TRAF2: variants seen among roughly 807,000 people sequenced by gnomAD.
TRAF2 encodes the protein TNF receptor-associated factor 2.
In TRAF2, 6 loss-of-function variants were observed where a neutral mutation model predicts 55.6. The observed-to-expected ratio is 0.11, with a 90% CI of 0.06 to 0.21. The LOEUF (loss-of-function observed/expected upper bound fraction) is 0.21, where lower values mean the gene tolerates loss of function less well. TRAF2 is among the 10% of genes least tolerant of loss of function. The pLI is 1.00. For missense variants in TRAF2, 561 were observed against 684.5 expected (o/e 0.82, Z 2.01); for synonymous variants, 329 against 276.3 (o/e 1.19, Z -1.89).
intron 6 of TRAF2, among the ~76,000 whole-genome samples, chr9:136,916,005 G>A (rs770747348): frequency 6.6e-6 from 1 of 152,090 alleles, no homozygotes; most frequent in Non-Finnish European, 1.5e-5. Context: ...GTTTTTCCTC[G>A]GGCTGTTCCT....
chr9:136,921,418 CGGGGTAGGGGGGTT>C (rs763670362), intron 9 of TRAF2, among the ~76,000 whole-genome samples: 40 of 152,106 alleles, frequency 2.6e-4, no homozygotes, highest in Middle Eastern at 6.8e-3. Context: ...GGGCAGGGGT[CGGGGTAGGGGGGTT>C]GGGCCGGCTG....
In TRAF2 at chr9:136,926,391, C is replaced by T. The variant is rs1225723046; in HGVS notation, c.*490C>T. The T allele has an allele frequency of 7.3e-6, 2 of 274,602 alleles. No homozygotes were observed. The highest frequency in any genetic ancestry group is 2.7e-5 in the South Asian group (1 of 37,226). 17.0% of individuals were successfully genotyped at this position (274,602 alleles called of 1,614,324 possible). A position where few individuals can be genotyped will look rare whatever the true frequency, so the allele number is the denominator to read the frequency against. On this transcript the variant is annotated 3_prime_UTR_variant, in exon 11 of 11. Transcript: ENST00000247668. The stretch of plus-strand genomic sequence containing the variant: ...AGCAGCTTGGTTCTCCCCTCTGGCC[C>T]CTGGAGAGAAGGGAGCATTCCTAGA...
At chr9:136,911,264 C>CTTTTTTTTTTTTTGTTTT (rs1850098495) in intron 6 of TRAF2, among the ~76,000 whole-genome samples, 1 of 122,566 alleles carries the variant, frequency 8.2e-6, no homozygotes, top group African/African-American at 3.2e-5. Context: ...TCCTTCCCGT[C>CTTTTTTTTTTTTTGTTTT]TTTTTTTTTT....
chr9:136,924,799 G>A (rs1158774741), intron 10 of TRAF2, among the ~76,000 whole-genome samples: 2 of 151,956 alleles, frequency 1.3e-5, no homozygotes, highest in Non-Finnish European at 1.5e-5. Context: ...GAGTGCAGTG[G>A]CATGATCTCG....
intron 6 of TRAF2, among the ~76,000 whole-genome samples, chr9:136,912,947 A>G (rs775385797): frequency 1.3e-5 from 2 of 152,180 alleles, no homozygotes; most frequent in African/African-American, 2.4e-5. Context: ...AGCCTGTCCA[A>G]CATGGCAAAA....
chr9:136,921,743 C>T (rs17244460), intron 9 of TRAF2, among the ~76,000 whole-genome samples: 2 of 151,340 alleles, frequency 1.3e-5, no homozygotes, highest in South Asian at 2.1e-4. Context: ...AGAGGGTGCT[C>T]GTGGGGTCTC....
Position 136,900,440 on chromosome 9 carries a change from G to A in TRAF2, c.286G>A (p.Ala96Thr). 6.2e-7 allele frequency: 1 copy of A among 1,606,064 alleles called. No homozygotes were observed. The highest frequency in any genetic ancestry group is 8.5e-7 in the Non-Finnish European group (1 of 1,175,066). The change falls in exon 4 of 11, where the codon GCC becomes ACC. Residue 96 changes from alanine to threonine, a missense_variant. Around this residue, in one of 2 missense-constraint regions of TRAF2, gnomAD observed 426 missense variants for 476.8 expected, o/e 0.89. Coordinates refer to ENST00000247668, the MANE Select transcript of TRAF2 (RefSeq NM_021138.4). ...TCCCCAGGCCTTCCCAGATAATGCT[G>A]CCCGCAGGGAGGTGGAGAGCCTGCC... is the stretch of plus-strand genomic sequence containing the variant. ...ESSSAFPDNA[A>T]RREVESLPAV... is the part of the protein sequence containing the mutation.
At chr9:136,907,025 G>C (rs761021363) in intron 4 of TRAF2, among the ~76,000 whole-genome samples, 3 of 152,248 alleles carry the variant, frequency 2.0e-5, no homozygotes, top group African/African-American at 7.2e-5. Flanking sequence ...CCCTCAAGAC[G>C]GTCGGGGAAG....
intron 2 of TRAF2, among the ~76,000 whole-genome samples, chr9:136,899,245 A>G (rs1194270412): frequency 6.6e-6 from 1 of 152,196 alleles, no homozygotes; most frequent in Non-Finnish European, 1.5e-5. Flanking sequence ...TGGCTGCTCT[A>G]GGCAGCTAAG....
chr9:136,882,690 C>G, upstream of TRAF2: 1 of 985,198 alleles, frequency 1.0e-6, no homozygotes. Flanking sequence ...TGGGAATCCC[C>G]TGAGCTGCGC....
Position 136,925,262 on chromosome 9 carries a change from G to C in TRAF2, c.1288-421G>C, listed in dbSNP as rs371159151. 5.9e-5 allele frequency among the ~76,000 whole-genome samples: 9 copies of C among 152,330 alleles called. No homozygotes were observed. In the East Asian group the frequency reaches 1.5e-3, roughly 26 times the overall value. ...CATCCAGGTTCACAGTCCTGACAGA[G>C]GCAGACTCAGGTTCTCCCTGAAAAG... On this transcript the variant is annotated intron_variant, in intron 10 of 10. Coordinates refer to ENST00000247668, the MANE Select transcript of TRAF2 (RefSeq NM_021138.4).
intron 2 of TRAF2, 118 bp downstream of exon 2, chr9:136,899,046 A>T (rs1588424644): frequency 1.3e-5 from 13 of 972,556 alleles, no homozygotes; most frequent in African/African-American, 8.2e-5. Context: ...TGCTCCAGTT[A>T]TCGATACTCC....
intron 1 of TRAF2, among the ~76,000 whole-genome samples, chr9:136,895,912 C>T (rs1243116853): frequency 6.6e-6 from 1 of 151,952 alleles, no homozygotes; most frequent in Non-Finnish European, 1.5e-5. Context: ...AATAAATTGC[C>T]ACCCCAGGTT....
At position 136,908,067 on chromosome 9, in the gene TRAF2, T is replaced by A. The variant is rs763229255; in HGVS notation, c.367-3T>A. On this transcript the variant is annotated splice_polypyrimidine_tract_variant and splice_region_variant and intron_variant, in intron 4 of 10. Coordinates refer to ENST00000247668, the MANE Select transcript of TRAF2 (RefSeq NM_021138.4). ...TACTGACGCTTCCTCCTTTCGTTGC[T>A]AGAGCTGCCACGAAGGCCGCTGCCC... The A allele has an allele frequency of 5.0e-6, 8 of 1,599,340 alleles. No individual in the cohort carries two copies. The highest frequency in any genetic ancestry group is 1.3e-5 in the African/African-American group (1 of 74,632).
rs541679763 is a variant in TRAF2 at position 136,893,371 on chromosome 9, C to T, written c.-28-5342C>T. ...GATTCAGAAGCTGGGATTGAAAGCA[C>T]ACCACTGCTGGCTTTGGGGGGCAGA... On this transcript the variant is annotated intron_variant, in intron 1 of 10. Coordinates refer to ENST00000247668, the MANE Select transcript of TRAF2 (RefSeq NM_021138.4). Among the ~76,000 whole-genome samples, 6 of 152,358 alleles carry T rather than the reference C, an allele frequency of 3.9e-5. No individual in the cohort carries two copies. The East Asian group carries it at 9.6e-4, about 24-fold the overall frequency.
At chr9:136,923,292 G>A (rs957027336) in intron 9 of TRAF2, among the ~76,000 whole-genome samples, 4 of 152,096 alleles carry the variant, frequency 2.6e-5, no homozygotes, top group African/African-American at 7.2e-5. Flanking sequence ...CTTAAGTTTT[G>A]GGGGTTACAT....
chr9:136,924,129 C>T, intron 10 of TRAF2, 129 bp downstream of exon 10: 1 of 1,155,704 alleles, frequency 8.7e-7, no homozygotes, highest in Non-Finnish European at 1.2e-6. Flanking sequence ...CTGCAGCAGG[C>T]ACGTCACCCT....
At chr9:136,922,755 T>C (rs1225344468) in intron 9 of TRAF2, among the ~76,000 whole-genome samples, 1 of 46,450 alleles carries the variant, frequency 2.2e-5, no homozygotes, top group Non-Finnish European at 3.9e-5. Context: ...GGCCTGGGCA[T>C]GTGGTGGAGG....
chr9:136,918,510 G>A (rs1252564156), intron 7 of TRAF2, among the ~76,000 whole-genome samples: 2 of 151,652 alleles, frequency 1.3e-5, no homozygotes, highest in South Asian at 2.1e-4. Context: ...GGCTGGTCTC[G>A]AACTTCTGAC....
Sources: allele counts gnomAD v4.1 joint callset (sites outside exome capture counted in the v4.1 genomes callset), GRCh38; gene constraint gnomAD v4.1.1; regional missense constraint gnomAD v4.1.1; transcripts MANE v1.5; gene names NCBI Gene and HGNC (gene_info 2026-07-23, HGNC 2026-07-21).